The following GNAQ variants were observed in gnomAD, a reference collection of about 807,000 sequenced individuals.
GNAQ encodes the protein G protein subunit alpha q.
Under a neutral mutation model 43.9 loss-of-function variants are expected in GNAQ, and 8 were observed. The observed-to-expected ratio is 0.18, with a 90% CI of 0.11 to 0.33. The LOEUF is 0.33. Among genes scored for constraint, GNAQ ranks in the 10% least tolerant of loss-of-function variants. The pLI, the probability that GNAQ is intolerant of heterozygous loss-of-function variation, is 1.00. For synonymous variants in GNAQ, 155 were observed against 170.7 expected (o/e 0.91, Z 0.71); for missense variants, 158 against 450.8 (o/e 0.35, Z 5.88).
At chr9:77,724,495 C>G (rs1379819752) in intron 6 of GNAQ, among the ~76,000 whole-genome samples, 1 of 152,184 alleles carries the variant, frequency 6.6e-6, no homozygotes, top group Non-Finnish European at 1.5e-5. Context: ...CCACACCCAG[C>G]AGGTTTTTTT....
In GNAQ at chr9:78,031,037, C is replaced by A. The variant is rs1051528854; in HGVS notation, c.136+63G>T. ...GCGGGGGCGCCGAAGGCAGCTGCCCCGCAGGGCCAAGGATGGTGGGCTGGG... is the reference window on the plus strand; with the variant it reads ...GCGGGGGCGCCGAAGGCAGCTGCCCAGCAGGGCCAAGGATGGTGGGCTGGG... On this transcript the variant is annotated intron_variant, in intron 1 of 6. Coordinates refer to ENST00000286548, the MANE Select transcript of GNAQ (RefSeq NM_002072.5). 239 of 1,229,412 alleles carry A rather than the reference C, an allele frequency of 1.9e-4. 1 individual carries two copies. The highest frequency in any genetic ancestry group is 2.4e-4 in the Non-Finnish European group (231 of 959,966). 76.2% of individuals were successfully genotyped at this position (1,229,412 alleles called of 1,614,324 possible).
intron 5 of GNAQ, among the ~76,000 whole-genome samples, chr9:77,734,083 T>C (rs551876131): frequency 6.6e-6 from 1 of 152,314 alleles, no homozygotes; most frequent in Non-Finnish European, 1.5e-5. Context: ...TTTGCATCCC[T>C]GCTGTCATCG....
rs576495522 is a variant in GNAQ at position 77,984,273 on chromosome 9, G to C, written c.136+46827C>G. Among the ~76,000 whole-genome samples the C allele has an allele frequency of 7.9e-5, 12 of 151,276 alleles. No homozygotes were observed. In the South Asian group the frequency reaches 2.5e-3, roughly 32 times the overall value. On this transcript the variant is annotated intron_variant, in intron 1 of 6. Coordinates refer to ENST00000286548, the MANE Select transcript of GNAQ (RefSeq NM_002072.5). ...CAGCCTCGACCTCCTGGGCTCAAGT[G>C]ATCCTCCCACCTTAGCCTCCTGAGT...
chr9:77,928,575 GA>G (rs1329897054), intron 1 of GNAQ, among the ~76,000 whole-genome samples: 1 of 152,160 alleles, frequency 6.6e-6, no homozygotes, highest in Non-Finnish European at 1.5e-5. Flanking sequence ...AATCCTCCCA[GA>G]AGAGTCACTT....
intron 1 of GNAQ, among the ~76,000 whole-genome samples, chr9:78,027,384 TTAGA>T: frequency 6.6e-6 from 1 of 152,254 alleles, no homozygotes; most frequent in South Asian, 2.1e-4. Context: ...ATTCTACGAG[TTAGA>T]TACTGTGCTT....
chr9:77,729,709 A>G (rs982920399), intron 5 of GNAQ, among the ~76,000 whole-genome samples: 1 of 151,802 alleles, frequency 6.6e-6, no homozygotes, highest in Non-Finnish European at 1.5e-5. Flanking sequence ...ACACTTTCCA[A>G]CCTCCCTTCT....
chr9:77,787,283 AC>A (rs1333411048), intron 5 of GNAQ, among the ~76,000 whole-genome samples: 3 of 152,216 alleles, frequency 2.0e-5, no homozygotes, highest in Non-Finnish European at 4.4e-5. Flanking sequence ...GAAAATAATT[AC>A]CTGAGTGAAT....
In GNAQ at chr9:77,970,232, AAAAC is replaced by A. The variant is rs1220064514; in HGVS notation, c.137-47891_137-47888del. Reference sequence around the variant, plus strand: ...AAGACTCCATCTCCACAAAAAAAAAAAAACAAACAAACAAACAAAAAAAACTGAC... The same window carrying A: ...AAGACTCCATCTCCACAAAAAAAAAAAAACAAACAAACAAAAAAAACTGAC... On this transcript the variant is annotated intron_variant, in intron 1 of 6. Coordinates refer to ENST00000286548, the MANE Select transcript of GNAQ (RefSeq NM_002072.5). Among the ~76,000 whole-genome samples the A allele has an allele frequency of 3.3e-3, 491 of 149,408 alleles. 4 individuals are homozygous for A. Among genetic ancestry groups the A allele is most frequent in the African/African-American group, 0.011 (453 of 40,368 alleles).
intron 1 of GNAQ, among the ~76,000 whole-genome samples, chr9:78,005,462 T>C (rs1351169366): frequency 2.0e-5 from 3 of 152,226 alleles, no homozygotes; most frequent in African/African-American, 7.2e-5. Context: ...GAGTTTGCCT[T>C]GCCTCATGTG....
At chr9:77,823,455 G>T (rs1827146286) in intron 2 of GNAQ, among the ~76,000 whole-genome samples, 1 of 152,100 alleles carries the variant, frequency 6.6e-6, no homozygotes, top group Non-Finnish European at 1.5e-5. Flanking sequence ...TAACACTTTT[G>T]AGTATTAAAA....
intron 1 of GNAQ, among the ~76,000 whole-genome samples, chr9:77,940,630 G>A (rs1212623002): frequency 1.3e-5 from 2 of 151,974 alleles, no homozygotes; most frequent in Non-Finnish European, 2.9e-5. Flanking sequence ...TTGGGAGAAA[G>A]TATCTGCAAA....
chr9:77,822,012 T>A (rs577261592), intron 2 of GNAQ, among the ~76,000 whole-genome samples: 28 of 152,306 alleles, frequency 1.8e-4, no homozygotes, highest in Admixed American at 3.9e-4. Context: ...AAATGGATTC[T>A]GAAGTCCAAG....
chr9:77,883,491 G>C (rs1402086658), intron 2 of GNAQ, among the ~76,000 whole-genome samples: 1 of 149,408 alleles, frequency 6.7e-6, no homozygotes. Flanking sequence ...CTTAGGTTCT[G>C]TGTTGTTGTT....
intron 5 of GNAQ, among the ~76,000 whole-genome samples, chr9:77,744,797 G>T (rs992602778): frequency 5.9e-5 from 9 of 151,976 alleles, no homozygotes; most frequent in African/African-American, 2.2e-4. Flanking sequence ...TCTGAAAAAT[G>T]CCCAGGGCAA....
At chr9:77,889,217 A>G (rs1475928790) in intron 2 of GNAQ, among the ~76,000 whole-genome samples, 1 of 151,674 alleles carries the variant, frequency 6.6e-6, no homozygotes, top group Non-Finnish European at 1.5e-5. Context: ...GAATTAGACC[A>G]GCCTAAGCAA....
intron 2 of GNAQ, among the ~76,000 whole-genome samples, chr9:77,844,030 G>T (rs1827534676): frequency 6.6e-6 from 1 of 152,112 alleles, no homozygotes; most frequent in African/African-American, 2.4e-5. Flanking sequence ...ATCTGCCACG[G>T]AGACAGTAAA....
chr9:78,013,732 A>G (rs1587461291), intron 1 of GNAQ, among the ~76,000 whole-genome samples: 1 of 152,356 alleles, frequency 6.6e-6, no homozygotes, highest in East Asian at 1.9e-4. Context: ...CACAAAAAGC[A>G]GAAAATGGAG....
intron 5 of GNAQ, among the ~76,000 whole-genome samples, chr9:77,755,271 A>C (rs1825883284): frequency 6.6e-6 from 1 of 152,238 alleles, no homozygotes; most frequent in South Asian, 2.1e-4. Flanking sequence ...TGGGTACAAA[A>C]ATATAGTTAG....
At chr9:78,009,727 G>C (rs2118577219) in intron 1 of GNAQ, among the ~76,000 whole-genome samples, 1 of 152,222 alleles carries the variant, frequency 6.6e-6, no homozygotes, top group South Asian at 2.1e-4. Flanking sequence ...ACAAATGCTA[G>C]AAATTGGGAA....
Sources: gnomAD v4.1 joint callset for allele counts (sites outside exome capture counted in the v4.1 genomes callset) on GRCh38, gnomAD v4.1.1 for gene constraint, MANE v1.5 for transcripts, NCBI Gene and HGNC (gene_info 2026-07-23, HGNC 2026-07-21) for gene names.